The following NALF1 variants were observed in gnomAD, a reference collection of about 807,000 sequenced individuals.
The protein encoded by NALF1 is family with sequence similarity 155 member A.
Under a neutral mutation model 48.4 loss-of-function variants are expected in NALF1, and 3 were observed. The ratio of observed to expected loss-of-function variants is 0.06; its 90% CI spans 0.03 to 0.16. The LOEUF (loss-of-function observed/expected upper bound fraction) is 0.16, where lower values mean the gene tolerates loss of function less well. Ranked by LOEUF, NALF1 falls within the 10% of genes least tolerant of loss-of-function variation. The pLI is 1.00. For synonymous variants in NALF1, 262 were observed against 245.7 expected (o/e 1.07, Z -0.62); for missense variants, 526 against 571.5 (o/e 0.92, Z 0.81).
chr13:107,464,982 T>A (rs1169911950), intron 1 of NALF1, among the ~76,000 whole-genome samples: 1 of 151,628 alleles, frequency 6.6e-6, no homozygotes, highest in African/African-American at 2.4e-5. Context: ...TATTTATTCA[T>A]TTATTCATTT....
intron 1 of NALF1, among the ~76,000 whole-genome samples, chr13:107,323,758 T>C (rs72650540): frequency 0.045 from 6,916 of 152,278 alleles, 233 homozygotes; most frequent in East Asian, 0.19. Context: ...TGCTTGTCCC[T>C]GGTCTTATGT....
intron 1 of NALF1, among the ~76,000 whole-genome samples, chr13:107,245,830 C>T (rs998981410): frequency 6.6e-6 from 1 of 152,050 alleles, no homozygotes; most frequent in African/African-American, 2.4e-5. Context: ...GTAGATGACT[C>T]CCAAATTCCT....
chr13:107,178,407 A>G (rs1298696352), intron 2 of NALF1, among the ~76,000 whole-genome samples: 1 of 152,234 alleles, frequency 6.6e-6, no homozygotes, highest in African/African-American at 2.4e-5. Context: ...CTGAATAGAC[A>G]TTTCTCAAAA....
intron 1 of NALF1, among the ~76,000 whole-genome samples, chr13:107,627,964 C>G (rs1405483957): frequency 1.3e-5 from 2 of 152,048 alleles, no homozygotes; most frequent in Non-Finnish European, 2.9e-5. Flanking sequence ...CAAAGTAATT[C>G]TACTTTCATT....
At position 107,455,292 on chromosome 13, in the gene NALF1, C is replaced by T. The variant is rs77317517; in HGVS notation, c.916-244537G>A. The stretch of plus-strand genomic sequence containing the variant: ...GGTTTTCTTTATAGCAGTGTAAAAA[C>T]GGACCAACACAATAATCATAACTAA... On this transcript the variant is annotated intron_variant, in intron 1 of 2. Transcript: ENST00000375915. Among the ~76,000 whole-genome samples the T allele has an allele frequency of 4.1e-3, 629 of 152,168 alleles. 3 individuals are homozygous for T. The highest frequency in any genetic ancestry group is 7.6e-3 in the Non-Finnish European group (516 of 68,012).
chr13:107,836,701 T>C (rs1879899197), intron 1 of NALF1, among the ~76,000 whole-genome samples: 1 of 152,240 alleles, frequency 6.6e-6, no homozygotes, highest in African/African-American at 2.4e-5. Context: ...AGTCCTCGCC[T>C]GATTTCAAAA....
At chr13:107,802,976 C>G (rs898987323) in intron 1 of NALF1, among the ~76,000 whole-genome samples, 9 of 152,164 alleles carry the variant, frequency 5.9e-5, no homozygotes, top group African/African-American at 2.2e-4. Flanking sequence ...GATGGTCAAG[C>G]CTTGGTCAGC....
intron 1 of NALF1, among the ~76,000 whole-genome samples, chr13:107,831,820 T>C (rs1224810051): frequency 1.3e-5 from 2 of 152,224 alleles, no homozygotes; most frequent in African/African-American, 2.4e-5. Flanking sequence ...CAGAGAACTT[T>C]CTAACATATT....
intron 1 of NALF1, among the ~76,000 whole-genome samples, chr13:107,452,952 G>A (rs555926175): frequency 3.1e-4 from 47 of 152,280 alleles, no homozygotes; most frequent in Non-Finnish European, 5.9e-4. Flanking sequence ...TTAAAGCTCC[G>A]AAATAATCTC....
At position 107,166,757 on chromosome 13, in the gene NALF1, T is replaced by G. The variant is rs556749301; in HGVS notation, c.*3740A>C. 6.6e-6 allele frequency: 1 copy of G among 151,988 alleles called. No homozygotes were observed. Among genetic ancestry groups the G allele is most frequent in the African/African-American group, 2.4e-5 (1 of 41,388 alleles). 9.4% of individuals were successfully genotyped at this position (151,988 alleles called of 1,614,324 possible). Reference sequence around the variant, plus strand: ...CTTTCCCCCTCATTCCCCGACTCTATCCCTCCCTTCTTCCCTCCCTCCCTC... The same window carrying G: ...CTTTCCCCCTCATTCCCCGACTCTAGCCCTCCCTTCTTCCCTCCCTCCCTC... On this transcript the variant is annotated 3_prime_UTR_variant, in exon 3 of 3. Transcript: ENST00000375915.
intron 1 of NALF1, among the ~76,000 whole-genome samples, chr13:107,865,150 C>T (rs1703598): frequency 0.48 from 73,273 of 151,958 alleles, 17,978 homozygotes; most frequent in Non-Finnish European, 0.53. Flanking sequence ...ACAACCAGAA[C>T]TACCCCTGTA....
intron 1 of NALF1, among the ~76,000 whole-genome samples, chr13:107,703,812 C>A (rs1555319362): frequency 1.3e-5 from 2 of 152,088 alleles, no homozygotes; most frequent in East Asian, 3.9e-4. Flanking sequence ...GTCCGTGAAA[C>A]CCCCTGTTCC....
chr13:107,649,416 T>A (rs1402815103), intron 1 of NALF1, among the ~76,000 whole-genome samples: 2 of 152,226 alleles, frequency 1.3e-5, no homozygotes, highest in South Asian at 2.1e-4. Flanking sequence ...AATCTTTTTT[T>A]AAGATGTACT....
intron 1 of NALF1, among the ~76,000 whole-genome samples, chr13:107,386,064 G>C (rs545254984): frequency 3.2e-4 from 48 of 152,078 alleles, no homozygotes; most frequent in African/African-American, 9.4e-4. Flanking sequence ...TTAAAATAGA[G>C]CTTCCACCTT....
At chr13:107,645,065 C>T (rs1010104963) in intron 1 of NALF1, among the ~76,000 whole-genome samples, 11 of 152,044 alleles carry the variant, frequency 7.2e-5, no homozygotes, top group African/African-American at 2.7e-4. Context: ...TTTAGAGTTT[C>T]CAGTTTTAGA....
intron 1 of NALF1, among the ~76,000 whole-genome samples, chr13:107,322,391 T>C (rs974043132): frequency 6.6e-6 from 1 of 150,786 alleles, no homozygotes; most frequent in African/African-American, 2.4e-5. Context: ...CAGCATATGC[T>C]AATTTTAGAT....
At chr13:107,282,407 A>C (rs1881406386) in intron 1 of NALF1, among the ~76,000 whole-genome samples, 1 of 152,226 alleles carries the variant, frequency 6.6e-6, no homozygotes, top group Non-Finnish European at 1.5e-5. Context: ...GGAGGAAGCA[A>C]TGAATAGGAG....
chr13:107,514,512 T>A (rs918916021), intron 1 of NALF1, among the ~76,000 whole-genome samples: 12 of 152,270 alleles, frequency 7.9e-5, no homozygotes, highest in African/African-American at 2.6e-4. Flanking sequence ...AACCTTTGAA[T>A]GGGCCCAGGT....
At chr13:107,665,038 T>C (rs1880822882) in intron 1 of NALF1, among the ~76,000 whole-genome samples, 1 of 152,122 alleles carries the variant, frequency 6.6e-6, no homozygotes, top group African/African-American at 2.4e-5. Flanking sequence ...CATATAATGG[T>C]TACTATAAGA....
Sources: gnomAD v4.1 joint callset for allele counts (sites outside exome capture counted in the v4.1 genomes callset) on GRCh38, gnomAD v4.1.1 for gene constraint, MANE v1.5 for transcripts, NCBI Gene and HGNC (gene_info 2026-07-23, HGNC 2026-07-21) for gene names.